PARD3: variants seen among roughly 807,000 people sequenced by gnomAD.
PARD3 encodes the protein partitioning defective 3 homolog.
PARD3 carries 75 observed loss-of-function variants against 155.4 expected under a neutral mutation model. That is an observed-to-expected ratio of 0.48 (90% CI 0.40 to 0.58). The LOEUF (loss-of-function observed/expected upper bound fraction) is 0.58, where lower values mean the gene tolerates loss of function less well. PARD3 is among the 20% of genes least tolerant of loss of function. The pLI, the probability that PARD3 is intolerant of heterozygous loss-of-function variation, is 0.00. For missense variants in PARD3, 1,642 were observed against 1,721.7 expected (o/e 0.95, Z 0.82); for synonymous variants, 576 against 610.5 (o/e 0.94, Z 0.83).
chr10:34,319,428 C>G (rs548947180), intron 19 of PARD3, among the ~76,000 whole-genome samples: 1 of 152,056 alleles, frequency 6.6e-6, no homozygotes, highest in African/African-American at 2.4e-5. Flanking sequence ...CTCTGAACTG[C>G]GAGTTATCTC....
At chr10:34,653,185 A>AG (rs1249231739) in intron 2 of PARD3, among the ~76,000 whole-genome samples, 1 of 152,140 alleles carries the variant, frequency 6.6e-6, no homozygotes, top group East Asian at 1.9e-4. Context: ...TGTATTCTTT[A>AG]GGGGGGAAGC....
chr10:34,134,429 T>A (rs1024378370), intron 22 of PARD3, among the ~76,000 whole-genome samples: 2 of 152,188 alleles, frequency 1.3e-5, no homozygotes, highest in African/African-American at 2.4e-5. Context: ...ATTATTAGGA[T>A]CATGAAGTTG....
intron 2 of PARD3, among the ~76,000 whole-genome samples, chr10:34,615,564 C>A (rs2091196422): frequency 1.3e-5 from 2 of 152,130 alleles, no homozygotes; most frequent in African/African-American, 2.4e-5. Context: ...GATTTTATGG[C>A]TGAGAACTCA....
At position 34,396,060 on chromosome 10, in the gene PARD3, A is replaced by C. The variant is rs75172116; in HGVS notation, c.890+3270T>G. On this transcript the variant is annotated intron_variant, in intron 7 of 24. Transcript: ENST00000374788. ...AAGCAGTGCAAGATTCTTATTTTAA[A>C]AAACTTAAGCCAGCCATGGTGGCTC... Among the ~76,000 whole-genome samples, 1,109 of 152,196 alleles carry C rather than the reference A, an allele frequency of 7.3e-3. 12 individuals carry two copies. The highest frequency in any genetic ancestry group is 0.025 in the African/African-American group (1,051 of 41,562).
At chr10:34,329,669 G>A (rs565479819) in intron 19 of PARD3, among the ~76,000 whole-genome samples, 1 of 152,188 alleles carries the variant, frequency 6.6e-6, no homozygotes, top group Admixed American at 6.5e-5. Context: ...ACCTAAGGAA[G>A]TTCTGGGCCT....
At position 34,382,569 on chromosome 10, in the gene PARD3, C is replaced by G. The variant is rs201396530; in HGVS notation, c.1370G>C (p.Gly457Ala). ...VSSGYNTKKI[G>A]KRLNIQLKKG... ...CTTAAGCTGGATATTAAGCCTCTTGCCTATTTTTTTGGTGTTATAACCACT... is the reference window on the plus strand; with the variant it reads ...CTTAAGCTGGATATTAAGCCTCTTGGCTATTTTTTTGGTGTTATAACCACT... Residue 457 changes from glycine to alanine, a missense_variant, in exon 9 of 25, where the codon GGC (glycine) becomes GCC (alanine). By Grantham distance (60) the Gly-to-Ala change is moderately conservative. Around this residue, in one of 3 missense-constraint regions of PARD3, gnomAD observed 1,529 missense variants for 1,587.3 expected, o/e 0.96. Coordinates refer to ENST00000374788, the MANE Select transcript of PARD3 (RefSeq NM_001184785.2). 1.9e-6 allele frequency: 3 copies of G among 1,613,166 alleles called. No homozygotes were observed. In the African/African-American group the frequency reaches 4.0e-5, roughly 22 times the overall value.
chr10:34,605,180 A>ATTTTTTTTTTTTTTTTTTTT (rs750688603), intron 2 of PARD3, among the ~76,000 whole-genome samples: 2 of 62,482 alleles, frequency 3.2e-5, no homozygotes, highest in African/African-American at 1.1e-4. Flanking sequence ...CCAAAATGAA[A>ATTTTTTTTTTTTTTTTTTTT]TTTTTTTTTT....
At chr10:34,589,754 C>A (rs930554958) in intron 2 of PARD3, among the ~76,000 whole-genome samples, 8 of 2,612 alleles carry the variant, frequency 3.1e-3, no homozygotes, top group African/African-American at 0.011. Context: ...TACTGGGGGG[C>A]TGGGGTGGGT....
intron 22 of PARD3, among the ~76,000 whole-genome samples, chr10:34,199,366 G>T (rs1220912214): frequency 6.6e-6 from 1 of 152,176 alleles, no homozygotes; most frequent in Non-Finnish European, 1.5e-5. Context: ...GACCCAGTTT[G>T]GTTCGGTGAC....
chr10:34,500,653 A>G (rs2080630023), intron 3 of PARD3, among the ~76,000 whole-genome samples: 1 of 152,130 alleles, frequency 6.6e-6, no homozygotes, highest in South Asian at 2.1e-4. Context: ...GAGGTGGGAG[A>G]ACAGCTTGAA....
At chr10:34,251,994 T>C (rs1954339146) in intron 22 of PARD3, among the ~76,000 whole-genome samples, 1 of 152,146 alleles carries the variant, frequency 6.6e-6, no homozygotes, top group South Asian at 2.1e-4. Flanking sequence ...CGCTCCAAAA[T>C]GCAACTTCAT....
intron 1 of PARD3, among the ~76,000 whole-genome samples, chr10:34,762,725 T>C (rs992654457): frequency 1.6e-4 from 25 of 152,210 alleles, no homozygotes; most frequent in African/African-American, 6.0e-4. Context: ...AAAATGACTG[T>C]TGCTGATGAA....
chr10:34,478,022 T>A (rs959775367), intron 3 of PARD3, among the ~76,000 whole-genome samples: 1 of 152,212 alleles, frequency 6.6e-6, no homozygotes, highest in Non-Finnish European at 1.5e-5. Context: ...TTCATAAAGG[T>A]ATTTATCCAT....
chr10:34,369,374 T>C (rs7078563), intron 12 of PARD3, among the ~76,000 whole-genome samples: 42,439 of 151,856 alleles, frequency 0.28, 11,875 homozygotes, highest in African/African-American at 0.73. Context: ...TCGTTAGTGT[T>C]AGTGTATTTT....
intron 2 of PARD3, among the ~76,000 whole-genome samples, chr10:34,606,644 A>C (rs2090473284): frequency 8.1e-6 from 1 of 124,022 alleles, no homozygotes; most frequent in African/African-American, 3.1e-5. Flanking sequence ...TCTTCAAAAA[A>C]AAAAAAAAAA....
At chr10:34,328,995 G>C (rs1835333162) in intron 19 of PARD3, among the ~76,000 whole-genome samples, 1 of 152,268 alleles carries the variant, frequency 6.6e-6, no homozygotes, top group African/African-American at 2.4e-5. Context: ...CCCAGGTCTT[G>C]TCCAGAACTT....
At chr10:34,553,814 C>A (rs1446868908) in intron 2 of PARD3, among the ~76,000 whole-genome samples, 1 of 152,114 alleles carries the variant, frequency 6.6e-6, no homozygotes, top group African/African-American at 2.4e-5. Context: ...GACACTTAAC[C>A]CAACCTTACA....
At chr10:34,523,917 A>T (rs1328703191) in intron 2 of PARD3, among the ~76,000 whole-genome samples, 1 of 152,204 alleles carries the variant, frequency 6.6e-6, no homozygotes. Flanking sequence ...CAATACATTT[A>T]AATTCTTCTG....
intron 1 of PARD3, among the ~76,000 whole-genome samples, chr10:34,750,451 T>C (rs1227049769): frequency 7.2e-6 from 1 of 138,824 alleles, no homozygotes; most frequent in Non-Finnish European, 1.5e-5. Flanking sequence ...ACATCCTCTT[T>C]CTCTCTTTCA....
Sources: allele counts gnomAD v4.1 joint callset (sites outside exome capture counted in the v4.1 genomes callset), GRCh38; gene constraint gnomAD v4.1.1; regional missense constraint gnomAD v4.1.1; transcripts MANE v1.5; gene names NCBI Gene and HGNC (gene_info 2026-07-23, HGNC 2026-07-21).